Variants in HPSE2 observed in about 807,000 individuals in gnomAD.
HPSE2 encodes inactive heparanase-2.
In HPSE2, 38 loss-of-function variants were observed where a neutral mutation model predicts 60.5. The observed-to-expected ratio is 0.63, with a 90% CI of 0.48 to 0.82. The LOEUF is 0.82. Ranked by LOEUF, HPSE2 falls within the 40% of genes least tolerant of loss-of-function variation. The pLI, the probability that HPSE2 is intolerant of heterozygous loss-of-function variation, is 0.00. For synonymous variants in HPSE2, 295 were observed against 293.2 expected (o/e 1.01, Z -0.06); for missense variants, 713 against 740.4 (o/e 0.96, Z 0.43).
chr10:99,103,824 A>C (rs185319908), intron 3 of HPSE2, among the ~76,000 whole-genome samples: 180 of 152,290 alleles, frequency 1.2e-3, no homozygotes, highest in African/African-American at 4.2e-3. Flanking sequence ...CTCAGAAATA[A>C]CACCACACAT....
intron 9 of HPSE2, among the ~76,000 whole-genome samples, chr10:98,514,302 C>A (rs1942518237): frequency 6.6e-6 from 1 of 151,952 alleles, no homozygotes; most frequent in Non-Finnish European, 1.5e-5. Context: ...CATATGGTTA[C>A]AGAGTTGTTA....
chr10:99,284,460 T>C, the HPSE2 span, among the ~76,000 whole-genome samples: 1 of 152,160 alleles, frequency 6.6e-6, no homozygotes, highest in Admixed American at 6.5e-5. Flanking sequence ...GACCTCACCT[T>C]ACACCAGATA....
chr10:99,094,218 T>G (rs1446257095), intron 3 of HPSE2, among the ~76,000 whole-genome samples: 3 of 151,952 alleles, frequency 2.0e-5, no homozygotes, highest in South Asian at 2.1e-4. Context: ...GAGCAGGGTT[T>G]GTCGTCGTTC....
At chr10:98,541,328 G>T (rs74378706) in intron 9 of HPSE2, among the ~76,000 whole-genome samples, 2 of 152,184 alleles carry the variant, frequency 1.3e-5, no homozygotes, top group African/African-American at 4.8e-5. Context: ...AAAAAAACTC[G>T]GGGGAGGAGC....
intron 2 of HPSE2, among the ~76,000 whole-genome samples, chr10:99,152,809 C>T (rs192187666): frequency 1.3e-5 from 2 of 152,280 alleles, no homozygotes; most frequent in East Asian, 1.9e-4. Context: ...ACGCAGAAGA[C>T]GGGTGATTTC....
intron 3 of HPSE2, among the ~76,000 whole-genome samples, chr10:98,773,560 T>C (rs1327341762): frequency 6.6e-6 from 1 of 152,210 alleles, no homozygotes; most frequent in Non-Finnish European, 1.5e-5. Context: ...TTTGGCAATA[T>C]GTATCAAAAG....
intron 2 of HPSE2, among the ~76,000 whole-genome samples, chr10:99,199,472 G>A (rs2133881046): frequency 6.6e-6 from 1 of 152,088 alleles, no homozygotes; most frequent in South Asian, 2.1e-4. Context: ...TAAAATAAGG[G>A]TCCGATTTTA....
chr10:99,278,003 G>A, the HPSE2 span, among the ~76,000 whole-genome samples: 32 of 150,972 alleles, frequency 2.1e-4, 1 homozygote, highest in East Asian at 7.9e-4. Context: ...AGGCTGAGGC[G>A]AGAGAATCGC....
At chr10:98,512,077 C>G (rs1942426757) in intron 9 of HPSE2, among the ~76,000 whole-genome samples, 2 of 152,196 alleles carry the variant, frequency 1.3e-5, no homozygotes, top group Admixed American at 1.3e-4. Flanking sequence ...GGTTTTTGCA[C>G]CAGATGTGGC....
intron 3 of HPSE2, among the ~76,000 whole-genome samples, chr10:98,859,714 T>A (rs1952408193): frequency 6.6e-6 from 1 of 152,168 alleles, no homozygotes; most frequent in Non-Finnish European, 1.5e-5. Flanking sequence ...CCTTCAGACT[T>A]GGACTGAAGT....
At chr10:98,779,264 A>C (rs1428770328) in intron 3 of HPSE2, among the ~76,000 whole-genome samples, 3 of 152,162 alleles carry the variant, frequency 2.0e-5, no homozygotes, top group African/African-American at 7.2e-5. Flanking sequence ...CAATATAACT[A>C]ATAAAATAAT....
chr10:98,464,232 T>G (rs114849848), intron 11 of HPSE2, among the ~76,000 whole-genome samples: 2,544 of 152,278 alleles, frequency 0.017, 59 homozygotes, highest in African/African-American at 0.041. Context: ...AGATTTTTTT[T>G]GGGGGAGGGA....
chr10:98,529,535 C>T (rs1053679718), intron 9 of HPSE2, among the ~76,000 whole-genome samples: 14 of 152,184 alleles, frequency 9.2e-5, no homozygotes, highest in Non-Finnish European at 1.6e-4. Flanking sequence ...GATCTCAAAC[C>T]TCACATGCCC....
chr10:98,540,270 T>G (rs1174607512), intron 9 of HPSE2, among the ~76,000 whole-genome samples: 3 of 152,236 alleles, frequency 2.0e-5, no homozygotes, highest in Non-Finnish European at 1.5e-5. Flanking sequence ...TAGGGTTCAA[T>G]TTGCATTTAT....
chr10:98,914,216 TTCCCTGCACAAGCTCTCA>T (rs1954056253), intron 3 of HPSE2, among the ~76,000 whole-genome samples: 1 of 151,916 alleles, frequency 6.6e-6, no homozygotes, highest in Non-Finnish European at 1.5e-5. Flanking sequence ...AAGGGGGAGT[TTCCCTGCACAAGCTCTCA>T]TTTTTTTTGC....
intron 3 of HPSE2, among the ~76,000 whole-genome samples, chr10:98,971,686 G>A (rs949522226): frequency 5.9e-5 from 9 of 151,988 alleles, no homozygotes; most frequent in Admixed American, 5.2e-4. Flanking sequence ...TTTTATCTAT[G>A]CATTCTCCTT....
At chr10:99,246,996 C>T in the HPSE2 span, among the ~76,000 whole-genome samples, 1 of 152,068 alleles carries the variant, frequency 6.6e-6, no homozygotes, top group Non-Finnish European at 1.5e-5. Context: ...ATAATCATAC[C>T]CATAATCGTA....
intron 2 of HPSE2, among the ~76,000 whole-genome samples, chr10:99,155,978 G>A (rs879456028): frequency 0.012 from 1,792 of 151,416 alleles, 14 homozygotes; most frequent in Non-Finnish European, 0.018. Context: ...ACACCTCTAC[G>A]CAAATAAACT....
intron 9 of HPSE2, among the ~76,000 whole-genome samples, chr10:98,591,841 G>A (rs193292610): frequency 2.6e-4 from 40 of 152,118 alleles, no homozygotes; most frequent in Admixed American, 5.2e-4. Context: ...TGCATTACAC[G>A]GCCCAGTTTT....
Sources: gnomAD v4.1 joint callset for allele counts (sites outside exome capture counted in the v4.1 genomes callset) on GRCh38, gnomAD v4.1.1 for gene constraint, MANE v1.5 for transcripts, NCBI Gene and HGNC (gene_info 2026-07-23, HGNC 2026-07-21) for gene names.